PKD2: variants seen among roughly 807,000 people sequenced by gnomAD.
PKD2 encodes the protein polycystin 2, transient receptor potential cation channel, also known as polycystin-2.
In PKD2, 48 loss-of-function variants were observed where a neutral mutation model predicts 105.9. The observed-to-expected ratio is 0.45, with a 90% CI of 0.36 to 0.58. The LOEUF is 0.58. Among genes scored for constraint, PKD2 ranks in the 20% least tolerant of loss-of-function variants. The pLI is 0.00. For synonymous variants in PKD2, 464 were observed against 481.1 expected, an observed-to-expected ratio of 0.96 and a Z score of 0.46; for missense variants, 1,078 against 1,255.3, an observed-to-expected ratio of 0.86 and a Z score of 2.13.
intron 1 of PKD2, among the ~76,000 whole-genome samples, chr4:88,017,315 T>G (rs533864518): frequency 7.9e-5 from 12 of 152,292 alleles, no homozygotes; most frequent in African/African-American, 2.9e-4. Context: ...CATACGTACA[T>G]ACATACATAC....
chr4:88,046,135 A>C (rs542126520), intron 5 of PKD2, among the ~76,000 whole-genome samples: 104 of 152,164 alleles, frequency 6.8e-4, no homozygotes, highest in Non-Finnish European at 1.4e-3. Flanking sequence ...GCCAAAAAAA[A>C]AAAAATTAGT....
In PKD2 at chr4:88,016,969, C is replaced by CA. The variant is rs374650752; in HGVS notation, c.596-2478dup. Among the ~76,000 whole-genome samples, 243 of 105,410 alleles carry CA rather than the reference C, an allele frequency of 2.3e-3. 2 individuals carry two copies. Among genetic ancestry groups the CA allele is most frequent in the African/African-American group, 6.1e-3 (173 of 28,584 alleles). 69.2% of individuals were successfully genotyped at this position (105,410 alleles called of 152,430 possible). On this transcript the variant is annotated intron_variant, in intron 1 of 14. Transcript: ENST00000237596. ...TGATAGAGTGAGACTCTGTCTCAAA[C>CA]AAAAAAAAAAACAGAGACAGAAAAA...
intron 2 of PKD2, among the ~76,000 whole-genome samples, chr4:88,020,409 T>TA (rs1726706506): frequency 6.6e-6 from 1 of 152,212 alleles, no homozygotes; most frequent in South Asian, 2.1e-4. Context: ...AGAAACTTGC[T>TA]ATAGGCCCAT....
chr4:88,035,089 G>A (rs1237084315), intron 2 of PKD2, among the ~76,000 whole-genome samples: 1 of 152,094 alleles, frequency 6.6e-6, no homozygotes, highest in East Asian at 1.9e-4. Flanking sequence ...AAATCCATGG[G>A]ATAGTTGGTT....
chr4:88,054,449 G>A (rs1375987375), intron 7 of PKD2, among the ~76,000 whole-genome samples: 5 of 151,196 alleles, frequency 3.3e-5, no homozygotes, highest in South Asian at 2.1e-4. Context: ...ATTAAGTAAT[G>A]ATTAAGTAAT....
At position 88,075,894 on chromosome 4, in the gene PKD2, G is replaced by T. The variant is rs1721218615; in HGVS notation, c.*200G>T. On this transcript the variant is annotated 3_prime_UTR_variant, in exon 15 of 15. Coordinates refer to ENST00000237596, the MANE Select transcript of PKD2 (RefSeq NM_000297.4). ...ATTTTTTTTTCTTTTTCTCATATAA[G>T]AAATCTAGGTGTAAATATTGAGTAC... is the stretch of plus-strand genomic sequence containing the variant. The T allele has an allele frequency of 1.7e-6, 1 of 590,662 alleles. No homozygotes were observed. Among genetic ancestry groups the T allele is most frequent in the Non-Finnish European group, 3.0e-6 (1 of 334,606 alleles). 36.6% of individuals were successfully genotyped at this position (590,662 alleles called of 1,614,324 possible).
At chr4:88,059,368 AT>A (rs1720476400) in intron 9 of PKD2, among the ~76,000 whole-genome samples, 1 of 152,166 alleles carries the variant, frequency 6.6e-6, no homozygotes, top group Non-Finnish European at 1.5e-5. Context: ...TCTACCATTG[AT>A]AGTACTTCGG....
chr4:88,026,864 T>C (rs537296417), intron 2 of PKD2, among the ~76,000 whole-genome samples: 1 of 152,320 alleles, frequency 6.6e-6, no homozygotes, highest in Admixed American at 6.5e-5. Flanking sequence ...AGCTGGACCA[T>C]TGCTTCAGAG....
intron 1 of PKD2, among the ~76,000 whole-genome samples, chr4:88,016,065 A>G (rs1336321482): frequency 1.3e-5 from 2 of 152,164 alleles, no homozygotes; most frequent in Non-Finnish European, 2.9e-5. Context: ...CGCAGTTCAC[A>G]ATAGGGTTCT....
At position 88,046,883 on chromosome 4, in the gene PKD2, A is replaced by G. The variant is rs1213173514; in HGVS notation, c.1548+13A>G. On this transcript the variant is annotated intron_variant, in intron 6 of 14. Transcript: ENST00000237596. ...TGTGATCGTTGTGGTAGGTTTGAGA[A>G]CAACACCAAATTTCCTATTCTATTC... is the stretch of plus-strand genomic sequence containing the variant. 1.3e-5 allele frequency: 19 copies of G among 1,423,486 alleles called. No homozygotes were observed. Among genetic ancestry groups the G allele is most frequent in the Admixed American group, 1.7e-5 (1 of 59,774 alleles). The allele number at this position is 1,423,486 out of a possible 1,614,324, so 88.2% of individuals were successfully genotyped here. A position where few individuals can be genotyped will look rare whatever the true frequency, so the allele number is the denominator to read the frequency against.
chr4:88,051,748 G>A (rs1720110654), intron 6 of PKD2, among the ~76,000 whole-genome samples: 1 of 152,180 alleles, frequency 6.6e-6, no homozygotes, highest in Non-Finnish European at 1.5e-5. Context: ...ACACATGCAT[G>A]CATGCCTTCG....
intron 4 of PKD2, 27 bp from the exon 5 acceptor site, chr4:88,043,202 CTGTT>C (rs1309022661): frequency 2.2e-6 from 3 of 1,354,684 alleles, no homozygotes; most frequent in South Asian, 2.3e-5. Context: ...CTGATTGTAA[CTGTT>C]TGTTTTTTGG....
intron 2 of PKD2, among the ~76,000 whole-genome samples, chr4:88,031,797 G>A (rs1257602611): frequency 6.6e-6 from 1 of 152,048 alleles, no homozygotes; most frequent in African/African-American, 2.4e-5. Context: ...AACAGGTATT[G>A]CTCTGTATAT....
At chr4:88,047,777 C>G in intron 6 of PKD2, among the ~76,000 whole-genome samples, 1 of 152,064 alleles carries the variant, frequency 6.6e-6, no homozygotes, top group East Asian at 1.9e-4. Context: ...GTGGGAGGAT[C>G]ACTTGAGATC....
At chr4:88,065,018 G>T (rs1038908582) in intron 10 of PKD2, among the ~76,000 whole-genome samples, 2 of 152,158 alleles carry the variant, frequency 1.3e-5, no homozygotes, top group Non-Finnish European at 2.9e-5. Flanking sequence ...TGCAATTCAT[G>T]ATTCGGGTTT....
intron 13 of PKD2, among the ~76,000 whole-genome samples, chr4:88,070,327 C>T: frequency 6.6e-6 from 1 of 151,828 alleles, no homozygotes; most frequent in East Asian, 1.9e-4. Flanking sequence ...TGAGTTCATC[C>T]TACTTAGAAA....
intron 2 of PKD2, among the ~76,000 whole-genome samples, chr4:88,021,083 T>G (rs1726731628): frequency 6.6e-6 from 1 of 152,222 alleles, no homozygotes. Flanking sequence ...TAAACTGCAG[T>G]GGCCTTAAAT....
chr4:88,020,624 T>A (rs1726714266), intron 2 of PKD2, among the ~76,000 whole-genome samples: 1 of 151,960 alleles, frequency 6.6e-6, no homozygotes, highest in Admixed American at 6.6e-5. Context: ...CGAGAACAGA[T>A]GAGGAAGCAG....
At chr4:88,070,589 T>TAG (rs1267877930) in intron 13 of PKD2, among the ~76,000 whole-genome samples, 40 of 105,308 alleles carry the variant, frequency 3.8e-4, no homozygotes, top group South Asian at 1.6e-3. Flanking sequence ...TATATATATA[T>TAG]ATATATATAT....
Sources: gnomAD v4.1 joint callset for allele counts (sites outside exome capture counted in the v4.1 genomes callset) on GRCh38, gnomAD v4.1.1 for gene constraint, MANE v1.5 for transcripts, NCBI Gene and HGNC (gene_info 2026-07-23, HGNC 2026-07-21) for gene names.